The following ZC3H6 variants were observed in gnomAD, a reference collection of about 807,000 sequenced individuals.
The protein encoded by ZC3H6 is zinc finger CCCH domain-containing protein 6.
ZC3H6 carries 40 observed loss-of-function variants against 107.7 expected under a neutral mutation model. That is an observed-to-expected ratio of 0.37 (90% confidence interval 0.29 to 0.48). The LOEUF is 0.48. Among genes scored for constraint, ZC3H6 ranks in the 20% least tolerant of loss-of-function variants. The pLI is 0.98. For synonymous variants in ZC3H6, 493 were observed against 487.9 expected (o/e 1.01, Z -0.14); for missense variants, 1,267 against 1,410.4 (o/e 0.90, Z 1.63).
intron 6 of ZC3H6, 115 bp from the exon 7 acceptor site, chr2:112,317,106 A>T: frequency 1.7e-6 from 1 of 602,436 alleles, no homozygotes; most frequent in South Asian, 2.5e-5. Flanking sequence ...AAGACTGAAG[A>T]TAATGACCAT....
intron 1 of ZC3H6, among the ~76,000 whole-genome samples, chr2:112,288,623 G>A (rs1686654836): frequency 6.6e-6 from 1 of 152,188 alleles, no homozygotes; most frequent in Non-Finnish European, 1.5e-5. Context: ...AGAGCTTTGT[G>A]TTCTTCTACC....
intron 2 of ZC3H6, among the ~76,000 whole-genome samples, chr2:112,300,230 TTG>T (rs1451169138): frequency 6.6e-6 from 1 of 152,056 alleles, no homozygotes; most frequent in Non-Finnish European, 1.5e-5. Context: ...TTTTTTTTTT[TTG>T]AGATAGGGTC....
rs1676715250 is a variant in ZC3H6 at position 112,317,232 on chromosome 2, T to C, written c.876T>C (p.Cys292=). Residue 292 remains cysteine (C), a synonymous_variant, in exon 7 of 12, where the codon TGT becomes TGC. Transcript: ENST00000409871. The stretch of plus-strand genomic sequence containing the variant: ...TTTTTTGTGAATAGGGAGATCAGTG[T>C]AAATTTGATCATGATGCAGAGTTGG... ...LEGRCIKGDQ[C]KFDHDAELEK... 6.6e-7 allele frequency: 1 copy of C among 1,522,174 alleles called. No homozygotes were observed. The highest frequency in any genetic ancestry group is 8.8e-7 in the Non-Finnish European group (1 of 1,138,078). 94.3% of individuals were successfully genotyped at this position (1,522,174 alleles called of 1,614,324 possible).
intron 1 of ZC3H6, among the ~76,000 whole-genome samples, chr2:112,281,490 CAG>C (rs1478787019): frequency 1.6e-4 from 24 of 152,200 alleles, no homozygotes; most frequent in African/African-American, 5.5e-4. Context: ...ATTTAGGTAA[CAG>C]ATGATGATGG....
At chr2:112,304,190 G>A (rs1246753105) in intron 3 of ZC3H6, among the ~76,000 whole-genome samples, 2 of 152,038 alleles carry the variant, frequency 1.3e-5, no homozygotes, top group Non-Finnish European at 1.5e-5. Context: ...GTGGTTTTGA[G>A]TATTGCCCTT....
chr2:112,298,322 G>C (rs1198127119), intron 1 of ZC3H6, among the ~76,000 whole-genome samples: 1 of 152,096 alleles, frequency 6.6e-6, no homozygotes, highest in Non-Finnish European at 1.5e-5. Context: ...CAATATAACA[G>C]GCAGGGAAAA....
intron 3 of ZC3H6, among the ~76,000 whole-genome samples, chr2:112,308,808 C>CTTT (rs898665293): frequency 6.6e-6 from 1 of 151,104 alleles, no homozygotes; most frequent in Non-Finnish European, 1.5e-5. Context: ...AATCCCAGCA[C>CTTT]TTTGGGAGGC....
chr2:112,291,128 T>C (rs1282864932), intron 1 of ZC3H6, among the ~76,000 whole-genome samples: 1 of 152,290 alleles, frequency 6.6e-6, no homozygotes, highest in African/African-American at 2.4e-5. Flanking sequence ...AGTTAGGGGT[T>C]TCTGGCATAC....
chr2:112,321,624 G>A, intron 7 of ZC3H6, 132 bp from the exon 8 acceptor site: 1 of 504,008 alleles, frequency 2.0e-6, no homozygotes, highest in Admixed American at 3.7e-5. Flanking sequence ...ATACAGTATT[G>A]TTGACTATAG....
chr2:112,331,352 G>T lies in ZC3H6; in HGVS notation c.2434G>T (p.Ala812Ser). 1 of 1,613,808 alleles carries T rather than the reference G, an allele frequency of 6.2e-7. No individual in the cohort carries two copies. The highest frequency in any genetic ancestry group is 8.5e-7 in the Non-Finnish European group (1 of 1,179,890). The change falls in exon 12 of 12, where the codon GCT becomes TCT. Residue 812 changes from alanine (A) to serine (S), a missense_variant. Ala to Ser is a moderately conservative substitution (Grantham distance 99). This residue lies in a region of ZC3H6 where 925 missense variants were observed against 1,025.7 expected (regional missense o/e 0.90). Coordinates refer to ENST00000409871, the MANE Select transcript of ZC3H6 (RefSeq NM_198581.3). Reference sequence around the variant, plus strand: ...AAAGTTTGATTTGCATCATGCAAATGCTGGCACTAATGTCAAACACAAAAG... The same window carrying T: ...AAAGTTTGATTTGCATCATGCAAATTCTGGCACTAATGTCAAACACAAAAG... ...GAKFDLHHAN[A>S]GTNVKHKRGD...
At chr2:112,294,735 A>G (rs1676196925) in intron 1 of ZC3H6, among the ~76,000 whole-genome samples, 1 of 152,178 alleles carries the variant, frequency 6.6e-6, no homozygotes. Flanking sequence ...AAAAAGTAGA[A>G]TCCTCTATTA....
At chr2:112,328,067 T>C (rs1367745404) in intron 11 of ZC3H6, among the ~76,000 whole-genome samples, 2 of 152,168 alleles carry the variant, frequency 1.3e-5, no homozygotes, top group Admixed American at 1.3e-4. Flanking sequence ...TTTTTTTGTA[T>C]TTTTAGTAGA....
rs763002020 is a variant in ZC3H6, at chr2:112,331,190, C to G, written c.2272C>G (p.Pro758Ala). 6.2e-7 allele frequency: 1 copy of G among 1,613,636 alleles called. No homozygotes were observed. The highest frequency in any genetic ancestry group is 1.1e-5 in the South Asian group (1 of 91,018). The change falls in exon 12 of 12, where the codon CCT becomes GCT. Residue 758 changes from proline (P) to alanine (A), a missense_variant. Pro to Ala is a conservative substitution (Grantham distance 27). This residue lies in a region of ZC3H6 where 925 missense variants were observed against 1,025.7 expected (regional missense o/e 0.90). Coordinates refer to ENST00000409871, the MANE Select transcript of ZC3H6 (RefSeq NM_198581.3). The part of the protein sequence containing the change: ...EKSKGNQVVD[P>A]RLRTIPRQDI... ...AAGTAAAGGAAACCAAGTGGTTGAC[C>G]CTAGGCTTAGGACTATCCCAAGGCA...
In ZC3H6 at chr2:112,322,787, T is replaced by G; in HGVS notation, c.1225T>G (p.Ser409Ala). 1 of 1,613,936 alleles carries G rather than the reference T, an allele frequency of 6.2e-7. No individual in the cohort carries two copies. The highest frequency in any genetic ancestry group is 8.5e-7 in the Non-Finnish European group (1 of 1,179,874). ...LPTPPEHFPF[S>A]DPEDDFQTDF... ...AACCCCTCCAGAGCATTTTCCCTTT[T>G]CTGATCCTGAAGACGATTTTCAGAC... Residue 409 changes from serine to alanine, a missense_variant, in exon 9 of 12, where the codon TCT (serine) becomes GCT (alanine). Physicochemically the swap from Ser to Ala is moderately conservative, Grantham distance 99. Coordinates refer to ENST00000409871, the MANE Select transcript of ZC3H6 (RefSeq NM_198581.3).
At chr2:112,297,151 T>C (rs1676256252) in intron 1 of ZC3H6, among the ~76,000 whole-genome samples, 1 of 152,006 alleles carries the variant, frequency 6.6e-6, no homozygotes. Context: ...ATAGAACACC[T>C]CAAAAAGAAT....
At chr2:112,286,309 T>C (rs996062190) in intron 1 of ZC3H6, 1 of 234,904 alleles carries the variant, frequency 4.3e-6, no homozygotes, top group Non-Finnish European at 8.3e-6. Flanking sequence ...TCAGCCAGGC[T>C]CTTAATGGTC....
At chr2:112,305,554 TAAAG>T in intron 3 of ZC3H6, among the ~76,000 whole-genome samples, 1 of 152,230 alleles carries the variant, frequency 6.6e-6, no homozygotes, top group Non-Finnish European at 1.5e-5. Context: ...AAAAATCAGT[TAAAG>T]AAATTAAGAA....
At chr2:112,305,094 C>T (rs1158426891) in intron 3 of ZC3H6, among the ~76,000 whole-genome samples, 2 of 152,088 alleles carry the variant, frequency 1.3e-5, no homozygotes, top group Non-Finnish European at 1.5e-5. Flanking sequence ...CATTTTATAA[C>T]TGTTCATTAA....
At chr2:112,276,080 C>T (rs1186467430) in intron 1 of ZC3H6, 54 bp downstream of exon 1, 4 of 1,512,354 alleles carry the variant, frequency 2.6e-6, no homozygotes, top group Non-Finnish European at 2.7e-6. Flanking sequence ...GGGTCTGGGG[C>T]GGCGGGAGCG....
Sources: allele counts gnomAD v4.1 joint callset (sites outside exome capture counted in the v4.1 genomes callset), GRCh38; gene constraint gnomAD v4.1.1; regional missense constraint gnomAD v4.1.1; transcripts MANE v1.5; gene names NCBI Gene and HGNC (gene_info 2026-07-23, HGNC 2026-07-21).